The following GPC6 variants were observed in gnomAD, a reference collection of about 807,000 sequenced individuals.
The protein encoded by GPC6 is glypican 6, also known as glypican-6.
In GPC6, 14 loss-of-function variants were observed where a neutral mutation model predicts 55.2. The ratio of observed to expected loss-of-function variants is 0.25; its 90% CI spans 0.17 to 0.40. The LOEUF (loss-of-function observed/expected upper bound fraction) is 0.40. GPC6 is among the 10% of genes least tolerant of loss of function. The pLI, the probability that GPC6 is intolerant of heterozygous loss-of-function variation, is 1.00. For synonymous variants in GPC6, 278 were observed against 259.6 expected, an observed-to-expected ratio of 1.07 and a Z score of -0.68; for missense variants, 641 against 708.5, an observed-to-expected ratio of 0.90 and a Z score of 1.08.
chr13:93,431,377 G>T (rs1181565003), intron 1 of GPC6, among the ~76,000 whole-genome samples: 1 of 152,008 alleles, frequency 6.6e-6, no homozygotes, highest in Admixed American at 6.6e-5. Flanking sequence ...TTAGCCATAT[G>T]ATGTCTCCAT....
rs1475339799 is a variant in GPC6 at position 93,763,582 on chromosome 13, C to T, written c.320-66572C>T. Among the ~76,000 whole-genome samples the T allele has an allele frequency of 2.6e-5, 4 of 152,178 alleles. No individual in the cohort carries two copies. The East Asian group carries it at 7.7e-4, about 29-fold the overall frequency. On this transcript the variant is annotated intron_variant, in intron 2 of 8. Transcript: ENST00000377047. ...AAAGTAATCTATGTGATACAAGTTT[C>T]AAATATAGTCCTCAAAGACATCCTG...
intron 3 of GPC6, among the ~76,000 whole-genome samples, chr13:93,922,640 G>A (rs886837684): frequency 6.6e-6 from 1 of 152,086 alleles, no homozygotes; most frequent in Non-Finnish European, 1.5e-5. Flanking sequence ...ATTGTCAGAT[G>A]TCTCCTGGGT....
intron 4 of GPC6, among the ~76,000 whole-genome samples, chr13:94,198,852 C>T (rs1467593238): frequency 6.6e-6 from 1 of 152,198 alleles, no homozygotes; most frequent in African/African-American, 2.4e-5. Flanking sequence ...CTGGGATTCA[C>T]ACCCTGAAGC....
chr13:93,313,807 C>T (rs12430401), intron 1 of GPC6, among the ~76,000 whole-genome samples: 4,163 of 152,142 alleles, frequency 0.027, 165 homozygotes, highest in East Asian at 0.13. Context: ...GCTGGGACTA[C>T]AGGTATCTAC....
intron 3 of GPC6, among the ~76,000 whole-genome samples, chr13:93,892,313 C>T (rs539271684): frequency 5.8e-4 from 88 of 152,252 alleles, no homozygotes; most frequent in African/African-American, 1.9e-3. Flanking sequence ...TCCTACCTAA[C>T]GGGTAGCAAA....
intron 5 of GPC6, among the ~76,000 whole-genome samples, chr13:94,301,435 GA>G (rs1261998630): frequency 2.0e-5 from 3 of 152,078 alleles, no homozygotes; most frequent in African/African-American, 7.2e-5. Context: ...GTTAAAAAAA[GA>G]AAGAAAAGAA....
chr13:93,312,137 C>T (rs1030456661), intron 1 of GPC6, among the ~76,000 whole-genome samples: 1 of 152,104 alleles, frequency 6.6e-6, no homozygotes, highest in South Asian at 2.1e-4. Flanking sequence ...CAAACAGCTT[C>T]TCTTTTTTTC....
At chr13:93,505,431 G>GCACACACA (rs553520936) in intron 1 of GPC6, among the ~76,000 whole-genome samples, 6 of 109,830 alleles carry the variant, frequency 5.5e-5, no homozygotes, top group African/African-American at 1.8e-4. Flanking sequence ...TCACACACGT[G>GCACACACA]CACACACACA....
chr13:94,005,709 C>T (rs767741714), intron 3 of GPC6, among the ~76,000 whole-genome samples: 1 of 152,108 alleles, frequency 6.6e-6, no homozygotes, highest in African/African-American at 2.4e-5. Context: ...CCAAAATATG[C>T]AGCTACAAAA....
chr13:93,795,952 G>A (rs1281853458), intron 2 of GPC6, among the ~76,000 whole-genome samples: 4 of 151,966 alleles, frequency 2.6e-5, no homozygotes, highest in Non-Finnish European at 5.9e-5. Flanking sequence ...GCACACGCCT[G>A]TAGTCCAGGT....
intron 6 of GPC6, among the ~76,000 whole-genome samples, chr13:94,359,809 A>G (rs1412727295): frequency 6.6e-6 from 1 of 152,184 alleles, no homozygotes; most frequent in Non-Finnish European, 1.5e-5. Context: ...TAAAAAGGTG[A>G]TTCCTCCAAG....
intron 1 of GPC6, among the ~76,000 whole-genome samples, chr13:93,332,777 T>C (rs559064453): frequency 1.3e-5 from 2 of 152,246 alleles, no homozygotes; most frequent in South Asian, 4.1e-4. Flanking sequence ...ACCTCAAAAA[T>C]TTATGTCCTG....
intron 2 of GPC6, among the ~76,000 whole-genome samples, chr13:93,650,267 T>C (rs903641204): frequency 3.3e-5 from 5 of 152,170 alleles, no homozygotes; most frequent in Admixed American, 6.5e-5. Context: ...AGAAATATTA[T>C]AGATGGATCT....
intron 3 of GPC6, among the ~76,000 whole-genome samples, chr13:93,896,719 AAT>A (rs1876032099): frequency 6.6e-6 from 1 of 152,064 alleles, no homozygotes; most frequent in African/African-American, 2.4e-5. Context: ...AAAGAAACAA[AAT>A]ATATGTTTCC....
In GPC6 at chr13:93,994,971, C is replaced by G. The variant is rs148620764; in HGVS notation, c.712-32758C>G. On this transcript the variant is annotated intron_variant, in intron 3 of 8. Transcript: ENST00000377047. Reference sequence around the variant, plus strand: ...TCTACTTTTGCAAAAGGTAAATAAGCTGTGGGCTTTCAGCAGAAATATCTT... The same window carrying G: ...TCTACTTTTGCAAAAGGTAAATAAGGTGTGGGCTTTCAGCAGAAATATCTT... Among the ~76,000 whole-genome samples, 305 of 152,168 alleles carry G rather than the reference C, an allele frequency of 2.0e-3. 3 individuals are homozygous for G. In the Middle Eastern group the frequency reaches 0.031, roughly 15 times the overall value.
intron 5 of GPC6, among the ~76,000 whole-genome samples, chr13:94,288,939 A>ATTTTT (rs1874778010): frequency 8.5e-6 from 1 of 117,306 alleles, no homozygotes; most frequent in Non-Finnish European, 1.6e-5. Flanking sequence ...ATATAGATAG[A>ATTTTT]TAGATAGATA....
chr13:94,335,200 G>T (rs1193477758), intron 6 of GPC6, among the ~76,000 whole-genome samples: 1 of 152,200 alleles, frequency 6.6e-6, no homozygotes, highest in Non-Finnish European at 1.5e-5. Context: ...AAGAAAACAG[G>T]ATCAGAAAGA....
At chr13:93,326,276 A>C (rs1439857959) in intron 1 of GPC6, among the ~76,000 whole-genome samples, 1 of 152,038 alleles carries the variant, frequency 6.6e-6, no homozygotes, top group Non-Finnish European at 1.5e-5. Flanking sequence ...CTATCTGGGC[A>C]ATCTTGTTCA....
intron 2 of GPC6, among the ~76,000 whole-genome samples, chr13:93,725,391 T>C (rs115900021): frequency 2.0e-5 from 3 of 152,110 alleles, no homozygotes; most frequent in Admixed American, 2.0e-4. Flanking sequence ...CAGCCACTTA[T>C]GATGAAACTC....
Sources: allele counts gnomAD v4.1 joint callset (sites outside exome capture counted in the v4.1 genomes callset), GRCh38; gene constraint gnomAD v4.1.1; transcripts MANE v1.5; gene names NCBI Gene and HGNC (gene_info 2026-07-23, HGNC 2026-07-21).